Variants in MEGF11 observed in about 807,000 individuals in gnomAD.
MEGF11 encodes the protein multiple epidermal growth factor-like domains protein 11.
Under a neutral mutation model 146.6 loss-of-function variants are expected in MEGF11, and 126 were observed. That is an observed-to-expected ratio of 0.86 (90% CI 0.74 to 1.00). MEGF11 has a LOEUF of 1.00. MEGF11 is among the 50% of genes least tolerant of loss of function. The pLI is 0.00. For synonymous variants in MEGF11, 532 were observed against 583.4 expected, an observed-to-expected ratio of 0.91 and a Z score of 1.27; for missense variants, 1,509 against 1,521.2, an observed-to-expected ratio of 0.99 and a Z score of 0.13.
chr15:66,027,984 C>T (rs1160877445), intron 5 of MEGF11, among the ~76,000 whole-genome samples: 1 of 152,160 alleles, frequency 6.6e-6, no homozygotes, highest in African/African-American at 2.4e-5. Flanking sequence ...AGAGGGAAAC[C>T]CTCTGAAAAG....
intron 1 of MEGF11, among the ~76,000 whole-genome samples, chr15:66,136,493 C>T (rs1365192500): frequency 6.6e-6 from 1 of 152,224 alleles, no homozygotes; most frequent in Non-Finnish European, 1.5e-5. Flanking sequence ...CAAGGGTAGC[C>T]TCTCCAGGTT....
intron 5 of MEGF11, among the ~76,000 whole-genome samples, chr15:66,062,066 C>G (rs1239396270): frequency 6.6e-6 from 1 of 152,220 alleles, no homozygotes; most frequent in Non-Finnish European, 1.5e-5. Flanking sequence ...GGCTTGCAGC[C>G]TCTTTTTGGT....
intron 7 of MEGF11, 52 bp downstream of exon 7, chr15:65,980,726 G>A: frequency 6.5e-7 from 1 of 1,527,310 alleles, no homozygotes; most frequent in Non-Finnish European, 8.8e-7. Flanking sequence ...ATGTGTGAGT[G>A]ATGAAGGCTC....
At chr15:66,129,608 G>A (rs919705398) in intron 1 of MEGF11, among the ~76,000 whole-genome samples, 2 of 152,110 alleles carry the variant, frequency 1.3e-5, no homozygotes, top group Non-Finnish European at 2.9e-5. Flanking sequence ...GATCTATCCC[G>A]CTGGCCCTGG....
At chr15:66,060,466 T>C (rs1011911090) in intron 5 of MEGF11, among the ~76,000 whole-genome samples, 6 of 152,206 alleles carry the variant, frequency 3.9e-5, no homozygotes, top group Non-Finnish European at 1.5e-5. Flanking sequence ...GCACGCTCCA[T>C]CCAGCCTCCA....
intron 1 of MEGF11, among the ~76,000 whole-genome samples, chr15:66,137,386 C>A (rs182882304): frequency 6.6e-6 from 1 of 152,082 alleles, no homozygotes; most frequent in East Asian, 1.9e-4. Context: ...ATGTGAAAAA[C>A]GCAGGTTACA....
intron 1 of MEGF11, among the ~76,000 whole-genome samples, chr15:66,195,968 C>T (rs1397494491): frequency 1.3e-5 from 2 of 152,166 alleles, no homozygotes; most frequent in Non-Finnish European, 2.9e-5. Context: ...CTGTGAACTG[C>T]AGGACGAGTA....
intron 23 of MEGF11, 26 bp downstream of exon 23, chr15:65,909,008 G>A: frequency 6.9e-7 from 1 of 1,447,570 alleles, no homozygotes; most frequent in Non-Finnish European, 9.4e-7. Context: ...GGCATGAGGG[G>A]GTGGAGGGTA....
At chr15:66,015,222 G>C (rs2082847148) in intron 5 of MEGF11, among the ~76,000 whole-genome samples, 2 of 152,126 alleles carry the variant, frequency 1.3e-5, no homozygotes, top group Admixed American at 1.3e-4. Context: ...TGCTCTTTTG[G>C]ATTAGTCACC....
At chr15:66,028,151 G>C (rs1280670303) in intron 5 of MEGF11, among the ~76,000 whole-genome samples, 1 of 152,140 alleles carries the variant, frequency 6.6e-6, no homozygotes, top group African/African-American at 2.4e-5. Flanking sequence ...TCTTCCTGGT[G>C]ATCAGTTGTA....
At chr15:66,156,257 C>T (rs1362939867) in intron 1 of MEGF11, among the ~76,000 whole-genome samples, 1 of 152,194 alleles carries the variant, frequency 6.6e-6, no homozygotes, top group East Asian at 1.9e-4. Flanking sequence ...TGGGATCTCC[C>T]CTACCCCTGG....
At chr15:66,177,026 C>T (rs2090405183) in intron 1 of MEGF11, among the ~76,000 whole-genome samples, 1 of 152,302 alleles carries the variant, frequency 6.6e-6, no homozygotes, top group East Asian at 1.9e-4. Flanking sequence ...TTCAAGGATA[C>T]TACACCTTGG....
rs1006498617 is a variant in MEGF11, at chr15:66,005,351, G to C, written c.395-22863C>G. On this transcript the variant is annotated intron_variant, in intron 5 of 25. Transcript: ENST00000395614. ...CAGAGCAAATCCCTTACAACAGTGAGTCTCTGATTCTTCATCTGCCAAGTG... is the reference window on the plus strand; with the variant it reads ...CAGAGCAAATCCCTTACAACAGTGACTCTCTGATTCTTCATCTGCCAAGTG... Among the ~76,000 whole-genome samples, 84 of 152,166 alleles carry C rather than the reference G, an allele frequency of 5.5e-4. 1 individual carries two copies. The highest frequency in any genetic ancestry group is 5.4e-3 in the Admixed American group (83 of 15,280).
intron 5 of MEGF11, among the ~76,000 whole-genome samples, chr15:66,023,651 A>C (rs1388621502): frequency 1.3e-5 from 2 of 152,184 alleles, no homozygotes; most frequent in Non-Finnish European, 2.9e-5. Flanking sequence ...GTCTGCACAG[A>C]CCCAAGTGGG....
At chr15:66,168,568 C>G (rs2090161737) in intron 1 of MEGF11, among the ~76,000 whole-genome samples, 1 of 152,216 alleles carries the variant, frequency 6.6e-6, no homozygotes, top group African/African-American at 2.4e-5. Context: ...AGGGAAGCCA[C>G]CAGTCCAAAC....
At chr15:66,093,578 C>T (rs2086411382) in intron 5 of MEGF11, among the ~76,000 whole-genome samples, 1 of 152,232 alleles carries the variant, frequency 6.6e-6, no homozygotes, top group South Asian at 2.1e-4. Flanking sequence ...CAACCTTAGT[C>T]AAGTCCTCTT....
chr15:65,950,467 A>G (rs2080359471), intron 10 of MEGF11, among the ~76,000 whole-genome samples: 2 of 152,066 alleles, frequency 1.3e-5, no homozygotes, highest in Admixed American at 1.3e-4. Flanking sequence ...AGACCCAGCT[A>G]CTTGGGAGGT....
At chr15:66,206,828 G>C (rs3940877) in intron 1 of MEGF11, among the ~76,000 whole-genome samples, 1 of 152,012 alleles carries the variant, frequency 6.6e-6, no homozygotes, top group African/African-American at 2.4e-5. Context: ...GCTTGAATCC[G>C]GGAAGTGGAG....
chr15:65,989,414 G>A lies in MEGF11; in HGVS notation c.395-6926C>T, dbSNP rs1340716810. 2.0e-5 allele frequency among the ~76,000 whole-genome samples: 3 copies of A among 152,268 alleles called. No homozygotes were observed. In the East Asian group the frequency reaches 5.8e-4, roughly 29 times the overall value. Reference sequence around the variant, plus strand: ...AATGGGAAGGCCTGATGCAGTCACAGCCCCTCCCAGAAAGGTCTGTGGCCC... The same window carrying A: ...AATGGGAAGGCCTGATGCAGTCACAACCCCTCCCAGAAAGGTCTGTGGCCC... On this transcript the variant is annotated intron_variant, in intron 5 of 25. Coordinates refer to ENST00000395614, the MANE Select transcript of MEGF11 (RefSeq NM_001385028.1).
Sources: allele counts gnomAD v4.1 joint callset (sites outside exome capture counted in the v4.1 genomes callset), GRCh38; gene constraint gnomAD v4.1.1; transcripts MANE v1.5; gene names NCBI Gene and HGNC (gene_info 2026-07-23, HGNC 2026-07-21).